The following NRG1 variants were observed in gnomAD, a reference collection of about 807,000 sequenced individuals.
The protein encoded by NRG1 is neuregulin 1, also known as pro-neuregulin-1, membrane-bound isoform.
NRG1 carries 18 observed loss-of-function variants against 63.8 expected under a neutral mutation model. The ratio of observed to expected loss-of-function variants is 0.28; its 90% confidence interval spans 0.19 to 0.42. The LOEUF is 0.42. NRG1 is among the 10% of genes least tolerant of loss of function. The probability of loss-of-function intolerance (pLI) is 1.00; values close to 1 mark genes in which losing one functional copy is unlikely to be tolerated. For synonymous variants in NRG1, 302 were observed against 301.3 expected (o/e 1.00, Z -0.02); for missense variants, 762 against 814.7 (o/e 0.94, Z 0.79).
intron 5 of NRG1, among the ~76,000 whole-genome samples, chr8:32,633,191 A>G (rs575102845): frequency 6.6e-6 from 1 of 152,364 alleles, no homozygotes; most frequent in Non-Finnish European, 1.5e-5. Flanking sequence ...CATCAAAAAG[A>G]TAATAATAAA....
At chr8:31,807,852 G>A (rs988694862) in intron 1 of NRG1, among the ~76,000 whole-genome samples, 2 of 152,028 alleles carry the variant, frequency 1.3e-5, no homozygotes, top group African/African-American at 4.8e-5. Context: ...GTTTTTCTGT[G>A]ACTAACTTAT....
At chr8:31,696,136 T>G (rs1030169434) in intron 1 of NRG1, among the ~76,000 whole-genome samples, 1 of 152,194 alleles carries the variant, frequency 6.6e-6, no homozygotes, top group African/African-American at 2.4e-5. Flanking sequence ...GGTGCTATCT[T>G]GGCTCACTGC....
At chr8:32,698,189 C>T (rs1563973583) in intron 5 of NRG1, among the ~76,000 whole-genome samples, 2 of 147,788 alleles carry the variant, frequency 1.4e-5, no homozygotes. Context: ...CTGATGACAG[C>T]GAGACTCCAT....
chr8:32,107,209 C>T (rs2131410084), intron 1 of NRG1, among the ~76,000 whole-genome samples: 1 of 89,726 alleles, frequency 1.1e-5, no homozygotes, highest in East Asian at 3.3e-4. Flanking sequence ...GAGTGTGACT[C>T]AGTCTTAAAA....
intron 5 of NRG1, chr8:32,648,414 T>C: frequency 1.2e-6 from 2 of 1,602,600 alleles, no homozygotes; most frequent in East Asian, 2.2e-5. Flanking sequence ...GAGACGATGA[T>C]GATGATGAAT....
At chr8:31,881,437 T>A (rs918131098) in intron 1 of NRG1, among the ~76,000 whole-genome samples, 1 of 152,176 alleles carries the variant, frequency 6.6e-6, no homozygotes, top group Non-Finnish European at 1.5e-5. Flanking sequence ...ACTCTCCCTC[T>A]CCTTAGGCCT....
intron 1 of NRG1, among the ~76,000 whole-genome samples, chr8:32,453,356 T>C (rs1214043229): frequency 6.6e-6 from 1 of 152,210 alleles, no homozygotes; most frequent in African/African-American, 2.4e-5. Flanking sequence ...ATTGAAATGA[T>C]GTGTCAGTTC....
chr8:31,968,866 C>T (rs1271371299), intron 1 of NRG1, among the ~76,000 whole-genome samples: 1 of 152,210 alleles, frequency 6.6e-6, no homozygotes, highest in East Asian at 1.9e-4. Context: ...AGGGAAGAGG[C>T]ATTACCAATT....
intron 1 of NRG1, among the ~76,000 whole-genome samples, chr8:32,118,737 G>T (rs1285143822): frequency 6.6e-6 from 1 of 152,044 alleles, no homozygotes; most frequent in Non-Finnish European, 1.5e-5. Context: ...GCCTAAAATG[G>T]TGAGCAGTGT....
chr8:32,480,712 C>T (rs900252339), intron 1 of NRG1, among the ~76,000 whole-genome samples: 1 of 152,092 alleles, frequency 6.6e-6, no homozygotes, highest in Non-Finnish European at 1.5e-5. Flanking sequence ...CAGAAAGCTT[C>T]CAATCATGGC....
At chr8:31,878,833 G>A (rs1234242040) in intron 1 of NRG1, among the ~76,000 whole-genome samples, 2 of 152,074 alleles carry the variant, frequency 1.3e-5, no homozygotes, top group Non-Finnish European at 2.9e-5. Context: ...CTTCAGTATG[G>A]CCACTTACTT....
intron 1 of NRG1, among the ~76,000 whole-genome samples, chr8:32,353,176 T>C (rs1805864828): frequency 6.6e-6 from 1 of 150,532 alleles, no homozygotes; most frequent in South Asian, 2.1e-4. Flanking sequence ...CTATAAAAAT[T>C]AAAATAGCAT....
At chr8:32,553,387 A>G (rs1398808543) in intron 1 of NRG1, among the ~76,000 whole-genome samples, 1 of 152,192 alleles carries the variant, frequency 6.6e-6, no homozygotes, top group Non-Finnish European at 1.5e-5. Context: ...TATGGTAAAA[A>G]ATATCCAAAG....
Position 32,764,258 on chromosome 8 carries a change from C to T in NRG1, c.1770C>T (p.Asn590=), listed in dbSNP as rs1341227428. 3.1e-6 allele frequency: 5 copies of T among 1,613,952 alleles called. No individual in the cohort carries two copies. In the East Asian group the frequency reaches 8.9e-5, roughly 29 times the overall value. ...ATACGCCTTTCCTGGGCATACAGAA[C>T]CCCCTGGCAGCCAGTCTTGAGGCAA... is the stretch of plus-strand genomic sequence containing the variant. The change falls in exon 12 of 12, where the codon AAC becomes AAT. Residue 590 remains asparagine (N), a synonymous_variant. Transcript: ENST00000356819.
At chr8:32,410,473 AT>A (rs1340783130) in intron 1 of NRG1, among the ~76,000 whole-genome samples, 1 of 152,088 alleles carries the variant, frequency 6.6e-6, no homozygotes, top group Admixed American at 6.6e-5. Context: ...GGCCAAAAGC[AT>A]CTTCTCAAAA....
intron 1 of NRG1, among the ~76,000 whole-genome samples, chr8:32,298,076 A>G (rs1428524695): frequency 1.3e-5 from 2 of 152,276 alleles, no homozygotes; most frequent in African/African-American, 4.8e-5. Context: ...TAAAGTATTA[A>G]ATAGCATCTT....
intron 1 of NRG1, among the ~76,000 whole-genome samples, chr8:32,020,876 T>G (rs990430077): frequency 6.6e-6 from 1 of 152,004 alleles, no homozygotes; most frequent in Non-Finnish European, 1.5e-5. Context: ...CTTTAAATTT[T>G]AAGCAATTTT....
At chr8:32,470,030 ATTTTTTTTT>A (rs71208185) in intron 1 of NRG1, among the ~76,000 whole-genome samples, 1 of 132,650 alleles carries the variant, frequency 7.5e-6, no homozygotes. Flanking sequence ...CGCCCAGCTA[ATTTTTTTTT>A]TTTTTTTTTT....
intron 1 of NRG1, among the ~76,000 whole-genome samples, chr8:32,491,087 A>T (rs149493903): frequency 0.011 from 1,657 of 152,294 alleles, 18 homozygotes; most frequent in Non-Finnish European, 0.016. Context: ...CGGTTCCTAA[A>T]TAATCTCTAT....
Sources: gnomAD v4.1 joint callset for allele counts (sites outside exome capture counted in the v4.1 genomes callset) on GRCh38, gnomAD v4.1.1 for gene constraint, MANE v1.5 for transcripts, NCBI Gene and HGNC (gene_info 2026-07-23, HGNC 2026-07-21) for gene names.